IMMP2L: variants seen among roughly 807,000 people sequenced by gnomAD.
The protein encoded by IMMP2L is inner mitochondrial membrane peptidase subunit 2.
A neutral mutation model predicts 19.3 loss-of-function variants in IMMP2L; 18 were observed. The observed-to-expected ratio is 0.93, with a 90% CI of 0.64 to 1.38. IMMP2L has a LOEUF of 1.38. IMMP2L is among the 40% of genes most tolerant of loss of function. The probability of loss-of-function intolerance (pLI) is 0.00; values close to 1 mark genes in which losing one functional copy is unlikely to be tolerated. For missense variants in IMMP2L, 233 were observed against 218.2 expected (o/e 1.07, Z -0.43); for synonymous variants, 76 against 73.0 (o/e 1.04, Z -0.21).
At position 110,757,379 on chromosome 7, in the gene IMMP2L, T is replaced by C. The variant is rs1798094957; in HGVS notation, c.409-93658A>G. Among the ~76,000 whole-genome samples the C allele has an allele frequency of 1.3e-5, 2 of 152,078 alleles. No individual in the cohort carries two copies. Among genetic ancestry groups the C allele is most frequent in the African/African-American group, 4.8e-5 (2 of 41,424 alleles). Reference sequence around the variant, plus strand: ...GCACTGTACCCCTCAAATGATGCAGTTGACTCTGGTTGTAATTTTAAATAC... The same window carrying C: ...GCACTGTACCCCTCAAATGATGCAGCTGACTCTGGTTGTAATTTTAAATAC... On this transcript the variant is annotated intron_variant, in intron 5 of 5. Transcript: ENST00000405709. This position sits in a 1 kb window ranked among gnomAD's most constrained non-coding sequence, Gnocchi z 4.2.
intron 3 of IMMP2L, among the ~76,000 whole-genome samples, chr7:111,018,515 C>T (rs983582313): frequency 6.6e-6 from 1 of 152,134 alleles, no homozygotes; most frequent in East Asian, 1.9e-4. Context: ...AGATCTACAA[C>T]GTAGAAACAT....
chr7:111,539,130 GAAAA>G (rs1563329887), intron 1 of IMMP2L, among the ~76,000 whole-genome samples: 1 of 92,958 alleles, frequency 1.1e-5, no homozygotes, highest in Non-Finnish European at 2.1e-5. Context: ...AAAAAGAAAA[GAAAA>G]GGAAGGAAGG....
rs190906919 is a variant in IMMP2L, at chr7:111,007,124, A to G, written c.240-43559T>C. 2.6e-5 allele frequency among the ~76,000 whole-genome samples: 4 copies of G among 152,230 alleles called. No homozygotes were observed. In the East Asian group the frequency reaches 5.8e-4, roughly 22 times the overall value. ...GGGAGGCCTCAGGAAGCTTACAATCATGGCAGAAAGGGAAGCACGCACCTT... is the reference window on the plus strand; with the variant it reads ...GGGAGGCCTCAGGAAGCTTACAATCGTGGCAGAAAGGGAAGCACGCACCTT... On this transcript the variant is annotated intron_variant, in intron 3 of 5. Coordinates refer to ENST00000405709, the MANE Select transcript of IMMP2L (RefSeq NM_032549.4).
intron 5 of IMMP2L, among the ~76,000 whole-genome samples, chr7:110,784,330 A>G (rs1457975094): frequency 6.6e-6 from 1 of 151,920 alleles, no homozygotes; most frequent in Non-Finnish European, 1.5e-5. Flanking sequence ...TCATGTAACG[A>G]CTGCATCTAC....
rs549088125 is a variant in IMMP2L, at chr7:110,983,841, T to G, written c.240-20276A>C. Among the ~76,000 whole-genome samples the G allele has an allele frequency of 2.6e-5, 4 of 152,086 alleles. No homozygotes were observed. The East Asian group carries it at 7.7e-4, about 29-fold the overall frequency. On this transcript the variant is annotated intron_variant, in intron 3 of 5. Transcript: ENST00000405709. Reference sequence around the variant, plus strand: ...AGGCTATTCCTCCATTGCTATTTATTTAGTCATTAAGATTTTAGTTTTTAA... The same window carrying G: ...AGGCTATTCCTCCATTGCTATTTATGTAGTCATTAAGATTTTAGTTTTTAA...
intron 3 of IMMP2L, among the ~76,000 whole-genome samples, chr7:111,477,894 G>A (rs1022993342): frequency 1.3e-5 from 2 of 151,308 alleles, no homozygotes; most frequent in Non-Finnish European, 1.5e-5. Flanking sequence ...GTGAATTTCT[G>A]CCTCAAAAAA....
At chr7:111,270,059 G>GTC (rs775935544) in intron 3 of IMMP2L, among the ~76,000 whole-genome samples, 14 of 102,936 alleles carry the variant, frequency 1.4e-4, no homozygotes, top group Admixed American at 1.3e-3. Flanking sequence ...ATGTGTGTCT[G>GTC]TGTGTGTGTG....
intron 5 of IMMP2L, among the ~76,000 whole-genome samples, chr7:110,704,165 A>T (rs1036192373): frequency 1.8e-4 from 28 of 152,152 alleles, no homozygotes; most frequent in African/African-American, 6.8e-4. Context: ...AATTCCTAAT[A>T]TTCTCAATTG....
rs147238059 is a variant in IMMP2L at position 111,299,117 on chromosome 7, G to T, written c.239+188121C>A. ...AATAACTGGTGTACAATGTCATTGA[G>T]ACTTAAGAAAAAGAGACAAAGGCAA... is the stretch of plus-strand genomic sequence containing the variant. On this transcript the variant is annotated intron_variant, in intron 3 of 5. Transcript: ENST00000405709. 2.1e-3 allele frequency among the ~76,000 whole-genome samples: 312 copies of T among 152,164 alleles called. 1 individual carries two copies. The highest frequency in any genetic ancestry group is 3.4e-3 in the Non-Finnish European group (232 of 67,992).
intron 3 of IMMP2L, among the ~76,000 whole-genome samples, chr7:111,211,056 T>C (rs914351320): frequency 1.3e-5 from 2 of 152,160 alleles, no homozygotes; most frequent in Non-Finnish European, 1.5e-5. Context: ...ATTTAATAAA[T>C]ATGTATTGAG....
intron 3 of IMMP2L, among the ~76,000 whole-genome samples, chr7:111,227,284 C>T (rs867347209): frequency 6.6e-6 from 1 of 152,086 alleles, no homozygotes; most frequent in African/African-American, 2.4e-5. Context: ...ACTTTTTTAT[C>T]TCCTTCTCCA....
intron 5 of IMMP2L, among the ~76,000 whole-genome samples, chr7:110,830,331 C>T (rs894408484): frequency 5.9e-5 from 9 of 152,162 alleles, no homozygotes; most frequent in Non-Finnish European, 1.0e-4. Context: ...TCTCCAAAGG[C>T]TGTGGCTAGG....
At chr7:110,689,114 G>A (rs1013115109) in intron 5 of IMMP2L, among the ~76,000 whole-genome samples, 5 of 152,094 alleles carry the variant, frequency 3.3e-5, no homozygotes, top group East Asian at 3.9e-4. Context: ...GATCAGAAAC[G>A]CTGGGTGTGG....
rs183236166 is a variant in IMMP2L at position 111,307,487 on chromosome 7, C to A, written c.239+179751G>T. ...CTAGGCAAAAACTATGATTATCTAC[C>A]TCGCAGTAGGTAAAAATATAGAAGG... is the stretch of plus-strand genomic sequence containing the variant. On this transcript the variant is annotated intron_variant, in intron 3 of 5. Coordinates refer to ENST00000405709, the MANE Select transcript of IMMP2L (RefSeq NM_032549.4). Among the ~76,000 whole-genome samples the A allele has an allele frequency of 1.3e-4, 20 of 151,746 alleles. No individual in the cohort carries two copies. In the East Asian group the frequency reaches 3.9e-3, roughly 29 times the overall value.
intron 5 of IMMP2L, chr7:110,724,440 ATT>A (rs1196126177): frequency 6.6e-6 from 1 of 152,108 alleles, no homozygotes; most frequent in Admixed American, 6.5e-5. Context: ...CTATCAAGAA[ATT>A]TTACTGTGTT....
chr7:111,314,416 G>T (rs1027179481), intron 3 of IMMP2L, among the ~76,000 whole-genome samples: 4 of 152,048 alleles, frequency 2.6e-5, no homozygotes, highest in Admixed American at 6.6e-5. Context: ...GGTGAGCAAA[G>T]TATGATTCTA....
chr7:111,391,827 C>T, intron 3 of IMMP2L: 1 of 701,246 alleles, frequency 1.4e-6, no homozygotes, highest in Non-Finnish European at 2.6e-6. Flanking sequence ...TATATGACAA[C>T]ACGACCATAC....
chr7:110,828,422 G>A (rs943767852), intron 5 of IMMP2L, among the ~76,000 whole-genome samples: 1 of 152,076 alleles, frequency 6.6e-6, no homozygotes, highest in Admixed American at 6.6e-5. Flanking sequence ...GTGATCTTAA[G>A]CAAACTGCTT....
intron 5 of IMMP2L, among the ~76,000 whole-genome samples, chr7:110,863,267 G>A (rs554002546): frequency 1.3e-5 from 2 of 152,152 alleles, no homozygotes; most frequent in South Asian, 2.1e-4. Flanking sequence ...CATGGGTCAC[G>A]GGGGATCAGC....
Sources: allele counts gnomAD v4.1 joint callset (sites outside exome capture counted in the v4.1 genomes callset), GRCh38; gene constraint gnomAD v4.1.1; non-coding constraint Gnocchi (gnomAD v3.1); transcripts MANE v1.5; gene names NCBI Gene and HGNC (gene_info 2026-07-23, HGNC 2026-07-21).